Variants in TMEM178B observed in about 807,000 individuals in gnomAD.
TMEM178B encodes the protein transmembrane protein 178B.
TMEM178B carries 5 observed loss-of-function variants against 31.0 expected under a neutral mutation model. The ratio of observed to expected loss-of-function variants is 0.16; its 90% CI spans 0.08 to 0.34. The LOEUF is 0.34. Among genes scored for constraint, TMEM178B ranks in the 10% least tolerant of loss-of-function variants. TMEM178B has a pLI of 1.00. For missense variants in TMEM178B, 275 were observed against 400.3 expected, an observed-to-expected ratio of 0.69 and a Z score of 2.67; for synonymous variants, 164 against 164.0, an observed-to-expected ratio of 1.00 and a Z score of 0.00.
chr7:141,276,620 C>G (rs995420380), intron 2 of TMEM178B, among the ~76,000 whole-genome samples: 1 of 151,914 alleles, frequency 6.6e-6, no homozygotes, highest in Non-Finnish European at 1.5e-5. Context: ...CTTCAATTAC[C>G]TCCCACCAGG....
intron 1 of TMEM178B, among the ~76,000 whole-genome samples, chr7:141,125,680 GAA>G (rs774508037): frequency 7.6e-5 from 6 of 78,728 alleles, no homozygotes; most frequent in Admixed American, 1.6e-4. Flanking sequence ...ACTCCATCTC[GAA>G]AAAAAAAAAA....
chr7:141,162,088 T>C (rs906389246), intron 1 of TMEM178B, among the ~76,000 whole-genome samples: 5 of 152,162 alleles, frequency 3.3e-5, no homozygotes, highest in Admixed American at 6.5e-5. Flanking sequence ...AATAACCGCC[T>C]TTCTCCACCT....
At chr7:141,321,144 G>T (rs1799091796) in intron 2 of TMEM178B, among the ~76,000 whole-genome samples, 1 of 152,134 alleles carries the variant, frequency 6.6e-6, no homozygotes, top group Non-Finnish European at 1.5e-5. Flanking sequence ...TTACAGCCTG[G>T]GTGAGACTTA....
At chr7:141,369,501 G>A (rs1800073678) in intron 2 of TMEM178B, among the ~76,000 whole-genome samples, 1 of 152,132 alleles carries the variant, frequency 6.6e-6, no homozygotes, top group African/African-American at 2.4e-5. Flanking sequence ...TGTTTAAAAT[G>A]GCTGGCCTCC....
At chr7:141,271,323 G>C (rs961353363) in intron 2 of TMEM178B, among the ~76,000 whole-genome samples, 1 of 152,204 alleles carries the variant, frequency 6.6e-6, no homozygotes, top group African/African-American at 2.4e-5. Context: ...GGTTTCCTGA[G>C]GGGAAGGAAT....
chr7:141,462,735 C>T (rs1038999619), intron 3 of TMEM178B, among the ~76,000 whole-genome samples: 1 of 151,986 alleles, frequency 6.6e-6, no homozygotes, highest in Non-Finnish European at 1.5e-5. Flanking sequence ...GGTGCTGGGA[C>T]AAGGAGTGGG....
chr7:141,262,717 A>G (rs187015383), intron 2 of TMEM178B, among the ~76,000 whole-genome samples: 1 of 152,258 alleles, frequency 6.6e-6, no homozygotes, highest in Non-Finnish European at 1.5e-5. Flanking sequence ...ACAGTCATTG[A>G]CGACAATGCA....
chr7:141,393,559 C>G (rs568051785), intron 2 of TMEM178B, among the ~76,000 whole-genome samples: 1 of 152,192 alleles, frequency 6.6e-6, no homozygotes, highest in Admixed American at 6.5e-5. Context: ...GAGATCAGAG[C>G]TCAGTGCTCT....
intron 2 of TMEM178B, among the ~76,000 whole-genome samples, chr7:141,329,426 AG>A (rs1799256144): frequency 6.6e-6 from 1 of 152,210 alleles, no homozygotes; most frequent in African/African-American, 2.4e-5. Flanking sequence ...AGATTCTGCA[AG>A]GCAGCGTACA....
chr7:141,225,053 C>T (rs6949455), intron 2 of TMEM178B, among the ~76,000 whole-genome samples: 10,586 of 152,234 alleles, frequency 0.07, 513 homozygotes, highest in East Asian at 0.12. Flanking sequence ...ACAGTGCCTA[C>T]CATGCGGGCA....
At chr7:141,349,724 G>A (rs946778937) in intron 2 of TMEM178B, among the ~76,000 whole-genome samples, 11 of 152,234 alleles carry the variant, frequency 7.2e-5, no homozygotes, top group Non-Finnish European at 1.3e-4. Flanking sequence ...TTTTCTTAAA[G>A]AGGGGAAGAA....
At chr7:141,398,954 A>G (rs898865237) in intron 2 of TMEM178B, among the ~76,000 whole-genome samples, 1 of 152,260 alleles carries the variant, frequency 6.6e-6, no homozygotes, top group Non-Finnish European at 1.5e-5. Context: ...GGGCATCTTC[A>G]TCAGTGGGAA....
intron 2 of TMEM178B, among the ~76,000 whole-genome samples, chr7:141,399,211 A>G (rs745555611): frequency 7.9e-5 from 12 of 152,114 alleles, no homozygotes; most frequent in Non-Finnish European, 1.2e-4. Context: ...CCTTGCCTTT[A>G]TCTCAAAGCA....
intron 2 of TMEM178B, among the ~76,000 whole-genome samples, chr7:141,295,302 T>C (rs950302671): frequency 6.6e-6 from 1 of 152,104 alleles, no homozygotes; most frequent in Non-Finnish European, 1.5e-5. Flanking sequence ...ATTTAGGTAT[T>C]TGGCTTGGGA....
At chr7:141,169,414 A>G (rs901944953) in intron 1 of TMEM178B, among the ~76,000 whole-genome samples, 1 of 152,236 alleles carries the variant, frequency 6.6e-6, no homozygotes, top group African/African-American at 2.4e-5. Context: ...CATGGTGCAT[A>G]TGTGCCACAT....
chr7:141,227,823 G>A (rs1797371234), intron 2 of TMEM178B, among the ~76,000 whole-genome samples: 2 of 152,274 alleles, frequency 1.3e-5, no homozygotes, highest in African/African-American at 2.4e-5. Context: ...GTATGGACAA[G>A]GCCTGAAGAA....
At chr7:141,284,507 C>T (rs1436350241) in intron 2 of TMEM178B, among the ~76,000 whole-genome samples, 1 of 152,162 alleles carries the variant, frequency 6.6e-6, no homozygotes, top group African/African-American at 2.4e-5. Flanking sequence ...ATTTGTCTTG[C>T]AGACTCCTAA....
At chr7:141,122,242 A>C (rs990927317) in intron 1 of TMEM178B, among the ~76,000 whole-genome samples, 2 of 152,212 alleles carry the variant, frequency 1.3e-5, no homozygotes, top group East Asian at 1.9e-4. Flanking sequence ...AAAGGAAGGG[A>C]GAGAGCTCAG....
chr7:141,499,840 G>C, the TMEM178B span, among the ~76,000 whole-genome samples: 141 of 152,300 alleles, frequency 9.3e-4, no homozygotes, highest in African/African-American at 3.2e-3. Context: ...TGAAGAATGG[G>C]AGAAAAGCAG....
Sources: gnomAD v4.1 joint callset for allele counts (sites outside exome capture counted in the v4.1 genomes callset) on GRCh38, gnomAD v4.1.1 for gene constraint, MANE v1.5 for transcripts, NCBI Gene and HGNC (gene_info 2026-07-23, HGNC 2026-07-21) for gene names.